The following CDIN1 variants were observed in gnomAD, a reference collection of about 807,000 sequenced individuals.
CDIN1 encodes CDAN1-interacting nuclease 1.
A neutral mutation model predicts 45.3 loss-of-function variants in CDIN1; 33 were observed. The ratio of observed to expected loss-of-function variants is 0.73; its 90% CI spans 0.55 to 0.97. CDIN1 has a LOEUF of 0.97. CDIN1 is among the 50% of genes least tolerant of loss of function. The probability of loss-of-function intolerance (pLI) is 0.00; values close to 1 mark genes in which losing one functional copy is unlikely to be tolerated. For synonymous variants in CDIN1, 118 were observed against 124.4 expected (o/e 0.95, Z 0.34); for missense variants, 303 against 339.4 (o/e 0.89, Z 0.84).
intron 10 of CDIN1, among the ~76,000 whole-genome samples, chr15:36,804,347 T>G (rs2055152229): frequency 6.6e-6 from 1 of 152,126 alleles, no homozygotes; most frequent in South Asian, 2.1e-4. Flanking sequence ...AGGCAATGGC[T>G]GACCCCTGCC....
At chr15:36,584,167 A>T (rs1023889055) in intron 1 of CDIN1, among the ~76,000 whole-genome samples, 1 of 152,220 alleles carries the variant, frequency 6.6e-6, no homozygotes, top group Non-Finnish European at 1.5e-5. Context: ...GATTAAATCT[A>T]AGAGTATGTG....
chr15:36,689,031 T>C (rs1354011159), intron 5 of CDIN1, among the ~76,000 whole-genome samples: 1 of 152,206 alleles, frequency 6.6e-6, no homozygotes, highest in Non-Finnish European at 1.5e-5. Flanking sequence ...GGACTCAATG[T>C]ATACTTTTTG....
At chr15:36,687,074 G>A (rs535305378) in intron 5 of CDIN1, among the ~76,000 whole-genome samples, 78 of 152,116 alleles carry the variant, frequency 5.1e-4, no homozygotes, top group African/African-American at 1.8e-3. Context: ...AGTGTAGAAT[G>A]TATTATATCC....
intron 10 of CDIN1, among the ~76,000 whole-genome samples, chr15:36,718,888 G>A (rs2140871974): frequency 7.4e-6 from 1 of 135,486 alleles, no homozygotes; most frequent in East Asian, 2.2e-4. Flanking sequence ...TTGCCTCACT[G>A]CTGATCTTAG....
chr15:36,596,296 C>G (rs534764063), intron 1 of CDIN1, among the ~76,000 whole-genome samples: 1 of 151,852 alleles, frequency 6.6e-6, no homozygotes, highest in South Asian at 2.1e-4. Context: ...GGAATATAAA[C>G]CTACTGCTCT....
intron 10 of CDIN1, among the ~76,000 whole-genome samples, chr15:36,783,593 G>A (rs1489385683): frequency 2.6e-5 from 4 of 152,084 alleles, no homozygotes; most frequent in Non-Finnish European, 2.9e-5. Flanking sequence ...AGAGCCACTT[G>A]TTTAAACAAG....
At chr15:36,730,823 A>G (rs1043692695) in intron 10 of CDIN1, among the ~76,000 whole-genome samples, 1 of 152,138 alleles carries the variant, frequency 6.6e-6, no homozygotes, top group Non-Finnish European at 1.5e-5. Context: ...AAAAAAATAC[A>G]TGATTAACCC....
At chr15:36,713,487 G>A (rs1390289350) in intron 10 of CDIN1, among the ~76,000 whole-genome samples, 1 of 152,172 alleles carries the variant, frequency 6.6e-6, no homozygotes, top group Non-Finnish European at 1.5e-5. Context: ...GAAGTAATGG[G>A]AGGAATATTG....
intron 1 of CDIN1, among the ~76,000 whole-genome samples, chr15:36,640,871 T>A (rs1469980161): frequency 6.6e-6 from 1 of 152,242 alleles, no homozygotes; most frequent in Non-Finnish European, 1.5e-5. Flanking sequence ...GTTTGTTGCC[T>A]GTTTTTATAT....
At chr15:36,684,486 A>G (rs1357733644) in intron 5 of CDIN1, among the ~76,000 whole-genome samples, 2 of 152,160 alleles carry the variant, frequency 1.3e-5, no homozygotes, top group African/African-American at 2.4e-5. Flanking sequence ...CCAGTATTTT[A>G]TTGAGGATTT....
chr15:36,696,367 T>C (rs1438193550), intron 7 of CDIN1: 1 of 152,210 alleles, frequency 6.6e-6, no homozygotes, highest in Admixed American at 6.5e-5. Flanking sequence ...CTTGTTTGGC[T>C]TGCCAGTGGC....
At chr15:36,777,314 C>T (rs968178665) in intron 10 of CDIN1, among the ~76,000 whole-genome samples, 2 of 151,988 alleles carry the variant, frequency 1.3e-5, no homozygotes, top group Admixed American at 6.6e-5. Context: ...AATCTCTGCA[C>T]CCACACACCC....
chr15:36,756,624 A>G (rs907027294), intron 10 of CDIN1, among the ~76,000 whole-genome samples: 2 of 152,216 alleles, frequency 1.3e-5, no homozygotes, highest in African/African-American at 4.8e-5. Flanking sequence ...ATAGCATCAT[A>G]TCACTGATTT....
intron 1 of CDIN1, among the ~76,000 whole-genome samples, chr15:36,584,886 A>G (rs937630242): frequency 1.3e-5 from 2 of 152,240 alleles, no homozygotes; most frequent in Admixed American, 6.5e-5. Context: ...CATCAACTTT[A>G]TAACAAAATA....
intron 5 of CDIN1, among the ~76,000 whole-genome samples, chr15:36,658,916 A>G (rs995630354): frequency 6.6e-6 from 1 of 152,204 alleles, no homozygotes; most frequent in African/African-American, 2.4e-5. Context: ...CTAAAAATTC[A>G]ATATCATTTC....
chr15:36,780,339 T>C (rs985579963), intron 10 of CDIN1, among the ~76,000 whole-genome samples: 2 of 152,232 alleles, frequency 1.3e-5, no homozygotes, highest in African/African-American at 4.8e-5. Context: ...TCAGGAAACC[T>C]ACCTGTAATA....
At chr15:36,784,570 A>G (rs987665805) in intron 10 of CDIN1, among the ~76,000 whole-genome samples, 4 of 152,184 alleles carry the variant, frequency 2.6e-5, no homozygotes, top group Admixed American at 2.0e-4. Flanking sequence ...TGCCCTTATT[A>G]TATTTGCTTT....
intron 10 of CDIN1, among the ~76,000 whole-genome samples, chr15:36,768,761 A>G (rs1298143044): frequency 1.3e-5 from 2 of 152,122 alleles, no homozygotes; most frequent in African/African-American, 4.8e-5. Flanking sequence ...AAGCAAATCA[A>G]GTGGAATCCA....
intron 10 of CDIN1, among the ~76,000 whole-genome samples, chr15:36,732,197 T>G (rs1490838748): frequency 6.6e-6 from 1 of 152,122 alleles, no homozygotes. Flanking sequence ...GTCAGCCCAA[T>G]GCTGCACTTT....
Sources: gnomAD v4.1 joint callset for allele counts (sites outside exome capture counted in the v4.1 genomes callset) on GRCh38, gnomAD v4.1.1 for gene constraint, MANE v1.5 for transcripts, NCBI Gene and HGNC (gene_info 2026-07-23, HGNC 2026-07-21) for gene names.